Variants in ZC3H12B observed in about 807,000 individuals in gnomAD.
The protein encoded by ZC3H12B is zinc finger CCCH-type containing 12B.
A neutral mutation model predicts 43.9 loss-of-function variants in ZC3H12B; 7 were observed. The ratio of observed to expected loss-of-function variants is 0.16; its 90% confidence interval spans 0.09 to 0.30. The LOEUF (loss-of-function observed/expected upper bound fraction) is 0.30. ZC3H12B is among the 10% of genes least tolerant of loss of function. The pLI, the probability that ZC3H12B is intolerant of heterozygous loss-of-function variation, is 1.00. For synonymous variants in ZC3H12B, 222 were observed against 241.7 expected, an observed-to-expected ratio of 0.92 and a Z score of 0.76; for missense variants, 475 against 670.2, an observed-to-expected ratio of 0.71 and a Z score of 3.22.
the ZC3H12B span, among the ~76,000 whole-genome samples, chrX:65,125,540 T>G: frequency 0.23 from 25,747 of 111,049 alleles, 7,159 homozygotes; most frequent in African/African-American, 0.8. Flanking sequence ...TTAACTTTCT[T>G]TCTTGATGAC....
intron 2 of ZC3H12B, among the ~76,000 whole-genome samples, chrX:65,389,476 C>T (rs1223429982): frequency 1.8e-5 from 2 of 112,498 alleles, no homozygotes; most frequent in African/African-American, 6.5e-5. Flanking sequence ...TTTGCTAAGA[C>T]CATTGGAAAA....
At chrX:65,150,185 AT>A in the ZC3H12B span, among the ~76,000 whole-genome samples, 1 of 109,856 alleles carries the variant, frequency 9.1e-6, no homozygotes, top group African/African-American at 3.3e-5. Context: ...ATTATTACTT[AT>A]TTTTTTGCAC....
the ZC3H12B span, among the ~76,000 whole-genome samples, chrX:65,225,234 G>C: frequency 8.9e-6 from 1 of 112,348 alleles, no homozygotes; most frequent in African/African-American, 3.2e-5. Flanking sequence ...CTGCTGTTCT[G>C]CAGCCACTGC....
At chrX:65,341,199 A>G in the ZC3H12B span, among the ~76,000 whole-genome samples, 1 of 112,387 alleles carries the variant, frequency 8.9e-6, no homozygotes, top group Non-Finnish European at 1.9e-5. Context: ...TCTGAGAAAT[A>G]TAGAATTATG....
chrX:65,188,200 A>G, the ZC3H12B span, among the ~76,000 whole-genome samples: 2 of 111,273 alleles, frequency 1.8e-5, no homozygotes, highest in African/African-American at 3.3e-5. Context: ...TTAAAAATCT[A>G]TTCATCTGTT....
At chrX:65,269,502 T>G in the ZC3H12B span, among the ~76,000 whole-genome samples, 3 of 110,377 alleles carry the variant, frequency 2.7e-5, no homozygotes, top group African/African-American at 1.0e-4. Context: ...AAATTTTATT[T>G]TTATTATTAT....
chrX:65,118,657 G>GT, the ZC3H12B span, among the ~76,000 whole-genome samples: 2 of 109,157 alleles, frequency 1.8e-5, no homozygotes, highest in African/African-American at 6.7e-5. Flanking sequence ...CTTTTTTTTT[G>GT]TTTTTTATTA....
chrX:65,379,156 G>C (rs1355857285), intron 2 of ZC3H12B, among the ~76,000 whole-genome samples: 1 of 112,144 alleles, frequency 8.9e-6, no homozygotes, highest in Non-Finnish European at 1.9e-5. Flanking sequence ...CTGGGGGAGG[G>C]CACAGACAAA....
chrX:65,407,326 C>G (rs867088026), intron 3 of ZC3H12B, among the ~76,000 whole-genome samples: 3 of 261 alleles, frequency 0.011, no homozygotes, highest in Non-Finnish European at 0.022. Context: ...CCGTCGGGCC[C>G]GGAGGTTTGT....
chrX:65,480,533 A>T (rs2068049665), intron 3 of ZC3H12B, among the ~76,000 whole-genome samples: 1 of 112,330 alleles, frequency 8.9e-6, no homozygotes, highest in Admixed American at 9.4e-5. Context: ...GGCTTCTATG[A>T]GTATGCCAGA....
At chrX:65,054,112 A>G in the ZC3H12B span, among the ~76,000 whole-genome samples, 1 of 111,865 alleles carries the variant, frequency 8.9e-6, no homozygotes, top group African/African-American at 3.2e-5. Context: ...CTTTAGTTTA[A>G]TTAGATCCCA....
chrX:65,186,520 T>C, the ZC3H12B span: 1 of 102,589 alleles, frequency 9.7e-6, no homozygotes, highest in Non-Finnish European at 2.0e-5. Context: ...GTCAGGAAAA[T>C]AGCTTATATT....
At chrX:65,260,005 T>G in the ZC3H12B span, among the ~76,000 whole-genome samples, 1 of 111,522 alleles carries the variant, frequency 9.0e-6, no homozygotes, top group African/African-American at 3.3e-5. Flanking sequence ...CTCACTCATA[T>G]GTAGGCGTTG....
chrX:65,127,652 G>A, the ZC3H12B span, among the ~76,000 whole-genome samples: 1 of 110,988 alleles, frequency 9.0e-6, no homozygotes, highest in Non-Finnish European at 1.9e-5. Flanking sequence ...GTTGTGGCAG[G>A]GATAGGTATG....
chrX:65,459,251 G>A (rs1405815720), intron 3 of ZC3H12B, among the ~76,000 whole-genome samples: 1 of 111,911 alleles, frequency 8.9e-6, no homozygotes. Flanking sequence ...GGACCAGATG[G>A]ATTCACAGCC....
At chrX:65,270,350 G>A in the ZC3H12B span, among the ~76,000 whole-genome samples, 1 of 111,442 alleles carries the variant, frequency 9.0e-6, no homozygotes, top group Non-Finnish European at 1.9e-5. Context: ...AAGAAATTGG[G>A]CCCTTAACTT....
chrX:65,193,108 G>A, the ZC3H12B span, among the ~76,000 whole-genome samples: 2 of 89,894 alleles, frequency 2.2e-5, no homozygotes, highest in African/African-American at 1.6e-4. Context: ...TTGGCCTGAA[G>A]GTTTTTTTTT....
the ZC3H12B span, among the ~76,000 whole-genome samples, chrX:65,165,443 C>T: frequency 4.5e-5 from 5 of 111,672 alleles, no homozygotes; most frequent in Non-Finnish European, 9.4e-5. Flanking sequence ...CCCACACTGC[C>T]GAAAGGCCCC....
chrX:65,060,162 G>T, the ZC3H12B span, among the ~76,000 whole-genome samples: 1 of 112,088 alleles, frequency 8.9e-6, no homozygotes, highest in Non-Finnish European at 1.9e-5. Context: ...TGCAAACAAG[G>T]ATGATTTAAC....
Sources: gnomAD v4.1 joint callset for allele counts (sites outside exome capture counted in the v4.1 genomes callset) on GRCh38, gnomAD v4.1.1 for gene constraint, MANE v1.5 for transcripts, NCBI Gene and HGNC (gene_info 2026-07-23, HGNC 2026-07-21) for gene names.